Variants in CAMKK1 observed in about 807,000 individuals in gnomAD.
CAMKK1 encodes the protein calcium/calmodulin dependent protein kinase kinase 1.
CAMKK1 carries 20 observed loss-of-function variants against 63.5 expected under a neutral mutation model. The ratio of observed to expected loss-of-function variants is 0.32; its 90% CI spans 0.22 to 0.46. CAMKK1 has a LOEUF of 0.46. Among genes scored for constraint, CAMKK1 ranks in the 20% least tolerant of loss-of-function variants. The pLI, the probability that CAMKK1 is intolerant of heterozygous loss-of-function variation, is 1.00. For missense variants in CAMKK1, 588 were observed against 658.1 expected (o/e 0.89, Z 1.17); for synonymous variants, 253 against 269.0 (o/e 0.94, Z 0.58).
At chr17:3,865,445 C>T in intron 15 of CAMKK1, 1 of 997,242 alleles carries the variant, frequency 1.0e-6, no homozygotes, top group Non-Finnish European at 1.2e-6. Flanking sequence ...CCAACAGTCC[C>T]CAGGGCCAGG....
In CAMKK1 at chr17:3,882,323, C is replaced by T. The variant is rs915095952; in HGVS notation, c.685+205G>A. 17 of 1,613,528 alleles carry T rather than the reference C, an allele frequency of 1.1e-5. No homozygotes were observed. Among genetic ancestry groups the T allele is most frequent in the Middle Eastern group, 1.7e-4 (1 of 6,054 alleles). On this transcript the variant is annotated intron_variant, in intron 7 of 15. Coordinates refer to ENST00000348335, the MANE Select transcript of CAMKK1 (RefSeq NM_032294.3). The surrounding 1 kb of genome is among the most constrained non-coding windows in gnomAD (Gnocchi z 4.3). ...GAGGGAAGCAGGGAGTGGGGCTTGGCGATATTTGTTGAATCTAACTGGATA... is the reference window on the plus strand; with the variant it reads ...GAGGGAAGCAGGGAGTGGGGCTTGGTGATATTTGTTGAATCTAACTGGATA...
At chr17:3,871,466 T>C (rs1265825833) in intron 12 of CAMKK1, among the ~76,000 whole-genome samples, 1 of 148,188 alleles carries the variant, frequency 6.7e-6, no homozygotes, top group East Asian at 2.0e-4. Flanking sequence ...GCCGTTCTCC[T>C]GCCTCAGCCT....
At chr17:3,891,280 G>T (rs183225770) in intron 1 of CAMKK1, among the ~76,000 whole-genome samples, 4 of 152,316 alleles carry the variant, frequency 2.6e-5, no homozygotes, top group Admixed American at 1.3e-4. Flanking sequence ...TTAATTTCTC[G>T]TGGGGGCAAG....
chr17:3,883,232 C>T lies in CAMKK1; in HGVS notation c.515-57G>A. 6.3e-7 allele frequency: 1 copy of T among 1,598,106 alleles called. No individual in the cohort carries two copies. The highest frequency in any genetic ancestry group is 8.5e-7 in the Non-Finnish European group (1 of 1,174,062). Reference sequence around the variant, plus strand: ...TCCAGGTGGCTGGGCCTCACCGTGGCCCCCAAACCAGTCTCAAGCAAGAGT... The same window carrying T: ...TCCAGGTGGCTGGGCCTCACCGTGGTCCCCAAACCAGTCTCAAGCAAGAGT... On this transcript the variant is annotated intron_variant, in intron 5 of 15. Coordinates refer to ENST00000348335, the MANE Select transcript of CAMKK1 (RefSeq NM_032294.3). The surrounding 1 kb of genome is among the most constrained non-coding windows in gnomAD (Gnocchi z 4.7).
chr17:3,869,986 G>A, intron 12 of CAMKK1, 98 bp from the exon 13 acceptor site: 1 of 974,918 alleles, frequency 1.0e-6, no homozygotes. Context: ...CGGATGGGAA[G>A]ACTGAGTTCC....
intron 12 of CAMKK1, among the ~76,000 whole-genome samples, chr17:3,871,791 G>GCA (rs2054898638): frequency 1.3e-5 from 2 of 151,288 alleles, no homozygotes; most frequent in East Asian, 1.9e-4. Flanking sequence ...GACTACAGAT[G>GCA]TGCGCCACCA....
intron 14 of CAMKK1, among the ~76,000 whole-genome samples, chr17:3,868,336 G>T (rs1271434095): frequency 6.6e-6 from 1 of 151,466 alleles, no homozygotes; most frequent in Non-Finnish European, 1.5e-5. Context: ...AGGATCTGGG[G>T]GAGACGCAGG....
At chr17:3,871,347 GTTTTTTTTTTTT>G (rs869219931) in intron 12 of CAMKK1, among the ~76,000 whole-genome samples, 1,202 of 104,204 alleles carry the variant, frequency 0.012, 3 homozygotes, top group Non-Finnish European at 0.018. Context: ...TTTTTTTTTT[GTTTTTTTTTTTT>G]TTTTTTTTTT....
intron 10 of CAMKK1, among the ~76,000 whole-genome samples, chr17:3,874,839 T>C: frequency 6.7e-6 from 1 of 150,318 alleles, no homozygotes; most frequent in South Asian, 2.2e-4. Flanking sequence ...GATTAATTTC[T>C]GGCTGGGCGT....
At chr17:3,891,865 CA>C (rs1567642208) in intron 1 of CAMKK1, among the ~76,000 whole-genome samples, 2 of 152,054 alleles carry the variant, frequency 1.3e-5, no homozygotes, top group Non-Finnish European at 2.9e-5. Flanking sequence ...CCCCCAAAGC[CA>C]GGGGGAGGTT....
chr17:3,862,255 T>C lies in CAMKK1; in HGVS notation c.1474A>G (p.Ser492Gly). 6.3e-7 allele frequency: 1 copy of C among 1,590,120 alleles called. No homozygotes were observed. Among genetic ancestry groups the C allele is most frequent in the Non-Finnish European group, 8.6e-7 (1 of 1,167,484 alleles). Residue 492 changes from serine (S) to glycine (G), a missense_variant, in exon 16 of 16, where the codon AGC becomes GGC. Physicochemically the swap from Ser to Gly is moderately conservative, Grantham distance 56 (BLOSUM62 0). Around this residue, in one of 3 missense-constraint regions of CAMKK1, gnomAD observed 226 missense variants for 229.2 expected, o/e 0.99. Transcript: ENST00000348335. This position sits in a 1 kb window ranked among gnomAD's most constrained non-coding sequence, Gnocchi z 4.1. ...TCCTGGACGCCGGGGAGCTCTGGGCTCTTGCCCCCTTCACCAAACCCTTCT... is the reference window on the plus strand; with the variant it reads ...TCCTGGACGCCGGGGAGCTCTGGGCCCTTGCCCCCTTCACCAAACCCTTCT... ...VKEGFGEGGK[S>G]PELPGVQEDE...
chr17:3,883,400 TC>T lies in CAMKK1; in HGVS notation c.514+28del. On this transcript the variant is annotated intron_variant, in intron 5 of 15. Transcript: ENST00000348335. The surrounding 1 kb of genome is among the most constrained non-coding windows in gnomAD (Gnocchi z 4.7). ...CCTCCTCTGCCTCCAGGCTAGGAGC[TC>T]CCAGGGACAGGATCAGAAGATACAT... 1 of 1,607,572 alleles carries T rather than the reference TC, an allele frequency of 6.2e-7. No individual in the cohort carries two copies. The highest frequency in any genetic ancestry group is 8.5e-7 in the Non-Finnish European group (1 of 1,174,038).
intron 12 of CAMKK1, among the ~76,000 whole-genome samples, chr17:3,871,385 C>T (rs1226755228): frequency 4.3e-5 from 5 of 115,486 alleles, no homozygotes; most frequent in South Asian, 3.0e-4. Context: ...GACAGAGTCT[C>T]GCTCTGTCGC....
chr17:3,869,750 G>T, intron 13 of CAMKK1, 51 bp downstream of exon 13: 2 of 1,602,302 alleles, frequency 1.2e-6, no homozygotes, highest in South Asian at 2.2e-5. Flanking sequence ...AAGGGAAAGT[G>T]ACTCCTGTTT....
In CAMKK1 at chr17:3,892,690, G is replaced by A. The variant is rs2055947539; in HGVS notation, c.-44+249C>T. Among the ~76,000 whole-genome samples, 2 of 152,190 alleles carry A rather than the reference G, an allele frequency of 1.3e-5. No homozygotes were observed. The highest frequency in any genetic ancestry group is 1.5e-5 in the Non-Finnish European group (1 of 68,020). On this transcript the variant is annotated intron_variant, in intron 1 of 15. Coordinates refer to ENST00000348335, the MANE Select transcript of CAMKK1 (RefSeq NM_032294.3). The surrounding 1 kb of genome is among the most constrained non-coding windows in gnomAD (Gnocchi z 7.5). ...TCCGCAGACAGAAGCGGGGAAGAAC[G>A]CAGACGGCGGGGCACCCGCGGCGAT...
intron 1 of CAMKK1, among the ~76,000 whole-genome samples, chr17:3,891,118 G>A (rs572833035): frequency 6.6e-6 from 1 of 151,636 alleles, no homozygotes; most frequent in Non-Finnish European, 1.5e-5. Context: ...TTGGGGGGGG[G>A]GTCACAGGCT....
At chr17:3,871,298 C>T (rs180727414) in intron 12 of CAMKK1, among the ~76,000 whole-genome samples, 1 of 150,636 alleles carries the variant, frequency 6.6e-6, no homozygotes, top group Non-Finnish European at 1.5e-5. Context: ...GAGTACAAGT[C>T]CCGTTTCATT....
chr17:3,880,616 A>C (rs1448717120), intron 8 of CAMKK1, among the ~76,000 whole-genome samples, 182 bp from the exon 9 acceptor site: 1 of 152,242 alleles, frequency 6.6e-6, no homozygotes, highest in Non-Finnish European at 1.5e-5. Context: ...CATTTCAATC[A>C]TAATTTCAAA....
At position 3,862,261 on chromosome 17, in the gene CAMKK1, C is replaced by G. The variant is rs2143766750; in HGVS notation, c.1468G>C (p.Gly490Arg). The G allele has an allele frequency of 6.3e-7, 1 of 1,588,960 alleles. No individual in the cohort carries two copies. The highest frequency in any genetic ancestry group is 8.6e-7 in the Non-Finnish European group (1 of 1,166,860). ...LLVKEGFGEG[G>R]KSPELPGVQE... ...ACGCCGGGGAGCTCTGGGCTCTTGC[C>G]CCCTTCACCAAACCCTTCTTTCCTG... Residue 490 changes from glycine (G) to arginine (R), a missense_variant, in exon 16 of 16, where the codon GGC becomes CGC. Physicochemically the swap from Gly to Arg is moderately radical, Grantham distance 125 (BLOSUM62 -2). Coordinates refer to ENST00000348335, the MANE Select transcript of CAMKK1 (RefSeq NM_032294.3). The surrounding 1 kb of genome is among the most constrained non-coding windows in gnomAD (Gnocchi z 4.1).
Sources: allele counts gnomAD v4.1 joint callset (sites outside exome capture counted in the v4.1 genomes callset), GRCh38; gene constraint gnomAD v4.1.1; regional missense constraint gnomAD v4.1.1; non-coding constraint Gnocchi (gnomAD v3.1); transcripts MANE v1.5; gene names NCBI Gene and HGNC (gene_info 2026-07-23, HGNC 2026-07-21).